PARD3B: variants seen among roughly 807,000 people sequenced by gnomAD.
PARD3B encodes par-3 family cell polarity regulator beta, also known as partitioning defective 3 homolog B.
A neutral mutation model predicts 130.2 loss-of-function variants in PARD3B; 103 were observed. The observed-to-expected ratio is 0.79, with a 90% CI of 0.67 to 0.93. The LOEUF is 0.93. Among genes scored for constraint, PARD3B ranks in the 40% least tolerant of loss-of-function variants. The pLI, the probability that PARD3B is intolerant of heterozygous loss-of-function variation, is 0.00. For synonymous variants in PARD3B, 583 were observed against 553.2 expected, an observed-to-expected ratio of 1.05 and a Z score of -0.76; for missense variants, 1,609 against 1,499.2, an observed-to-expected ratio of 1.07 and a Z score of -1.21.
At chr2:205,168,136 T>A (rs1203352324) in intron 11 of PARD3B, among the ~76,000 whole-genome samples, 1 of 152,216 alleles carries the variant, frequency 6.6e-6, no homozygotes, top group East Asian at 1.9e-4. Flanking sequence ...CTTTTTAATA[T>A]GTTTTCCTTC....
chr2:204,635,843 A>T (rs376156642), intron 1 of PARD3B, among the ~76,000 whole-genome samples: 138 of 152,294 alleles, frequency 9.1e-4, no homozygotes, highest in African/African-American at 2.9e-3. Flanking sequence ...AATAGAAATC[A>T]TTTCCCCATC....
chr2:205,559,596 CTTTT>C (rs11319522), intron 22 of PARD3B, among the ~76,000 whole-genome samples: 4 of 72,842 alleles, frequency 5.5e-5, no homozygotes, highest in African/African-American at 1.0e-4. Flanking sequence ...GAAGTCCAGA[CTTTT>C]TTTTTTTTTT....
intron 15 of PARD3B, among the ~76,000 whole-genome samples, chr2:205,225,074 G>A (rs1282133043): frequency 6.6e-6 from 1 of 152,126 alleles, no homozygotes; most frequent in African/African-American, 2.4e-5. Flanking sequence ...ACATGGGAGT[G>A]AAGATATCTC....
chr2:205,106,489 G>A (rs1575801223), intron 5 of PARD3B, among the ~76,000 whole-genome samples: 1 of 19,848 alleles, frequency 5.0e-5, no homozygotes, highest in Non-Finnish European at 9.0e-5. Flanking sequence ...GTATGTGTGT[G>A]TGTGTGTGTG....
chr2:205,093,008 A>G (rs1370033960), intron 4 of PARD3B, among the ~76,000 whole-genome samples: 2 of 152,206 alleles, frequency 1.3e-5, no homozygotes, highest in East Asian at 1.9e-4. Context: ...ATTTCAATCC[A>G]TAAATAAAGA....
intron 22 of PARD3B, among the ~76,000 whole-genome samples, chr2:205,574,042 A>G (rs1258272132): frequency 6.6e-6 from 1 of 152,236 alleles, no homozygotes; most frequent in Admixed American, 6.5e-5. Flanking sequence ...TCACCGCAGA[A>G]TAGCAAAAAT....
chr2:205,474,189 C>G (rs892872184), intron 20 of PARD3B, among the ~76,000 whole-genome samples: 14 of 151,872 alleles, frequency 9.2e-5, no homozygotes, highest in African/African-American at 3.4e-4. Context: ...TAAAGATATA[C>G]TTTTATTTTC....
At chr2:204,790,715 T>C (rs1286240834) in intron 2 of PARD3B, among the ~76,000 whole-genome samples, 3 of 152,224 alleles carry the variant, frequency 2.0e-5, no homozygotes, top group Non-Finnish European at 4.4e-5. Flanking sequence ...CTCTAGGTTG[T>C]TGTTTTTATT....
rs145228645 is a variant in PARD3B at position 205,053,220 on chromosome 2, C to T, written c.504+5530C>T. ...GTATTGCCCCTGTATTAAACTTCCTCAGACCCATGAAAGAAATCACCGAGA... is the reference window on the plus strand; with the variant it reads ...GTATTGCCCCTGTATTAAACTTCCTTAGACCCATGAAAGAAATCACCGAGA... On this transcript the variant is annotated intron_variant, in intron 4 of 22. Coordinates refer to ENST00000406610, the MANE Select transcript of PARD3B (RefSeq NM_001302769.2). Among the ~76,000 whole-genome samples, 272 of 152,046 alleles carry T rather than the reference C, an allele frequency of 1.8e-3. 1 individual carries two copies. Among genetic ancestry groups the T allele is most frequent in the African/African-American group, 6.2e-3 (256 of 41,466 alleles).
rs1238292774 is a variant in PARD3B at position 205,142,222 on chromosome 2, G to A, written c.1434+16485G>A. 6.6e-6 allele frequency among the ~76,000 whole-genome samples: 1 copy of A among 152,008 alleles called. No individual in the cohort carries two copies. Among genetic ancestry groups the A allele is most frequent in the Admixed American group, 6.6e-5 (1 of 15,260 alleles). ...AGTTTGCTAGTGGGTGGCAAAGCAG[G>A]GTAAAGAGAGAGCATAAGTTTTAGG... On this transcript the variant is annotated intron_variant, in intron 10 of 22. Coordinates refer to ENST00000406610, the MANE Select transcript of PARD3B (RefSeq NM_001302769.2). The surrounding 1 kb of genome is among the most constrained non-coding windows in gnomAD (Gnocchi z 4.3).
chr2:205,277,227 A>C lies in PARD3B; in HGVS notation c.2186-23303A>C, dbSNP rs569982190. On this transcript the variant is annotated intron_variant, in intron 16 of 22. Transcript: ENST00000406610. ...CTTAGCAAGGAAGACAGGTATATAC[A>C]CAAACAATGTACAGAATGGGGAGTG... Among the ~76,000 whole-genome samples, 4 of 152,360 alleles carry C rather than the reference A, an allele frequency of 2.6e-5. No individual in the cohort carries two copies. In the South Asian group the frequency reaches 8.3e-4, roughly 32 times the overall value.
chr2:205,614,429 T>G (rs1289509945), intron 22 of PARD3B, among the ~76,000 whole-genome samples: 1 of 152,070 alleles, frequency 6.6e-6, no homozygotes, highest in African/African-American at 2.4e-5. Flanking sequence ...GTGGGCTGGG[T>G]GCAGTGGCTC....
At chr2:205,497,685 G>A (rs912947399) in intron 20 of PARD3B, among the ~76,000 whole-genome samples, 1 of 151,974 alleles carries the variant, frequency 6.6e-6, no homozygotes, top group Non-Finnish European at 1.5e-5. Context: ...ACACAAGAGA[G>A]AAGATACAGC....
chr2:205,500,368 C>G lies in PARD3B; in HGVS notation c.3180+337C>G, dbSNP rs112968045. 7.8e-4 allele frequency among the ~76,000 whole-genome samples: 119 copies of G among 152,298 alleles called. 1 individual carries two copies. Among genetic ancestry groups the G allele is most frequent in the Middle Eastern group, 3.4e-3 (1 of 294 alleles). On this transcript the variant is annotated intron_variant, in intron 21 of 22. Coordinates refer to ENST00000406610, the MANE Select transcript of PARD3B (RefSeq NM_001302769.2). The stretch of plus-strand genomic sequence containing the variant: ...TTGATTCTTGCAACACAAGCCATCT[C>G]TCCTTTGGAAAATGGTGATTAGAAG...
At chr2:205,441,603 C>T (rs985188264) in intron 20 of PARD3B, among the ~76,000 whole-genome samples, 42 of 152,264 alleles carry the variant, frequency 2.8e-4, no homozygotes, top group African/African-American at 9.9e-4. Context: ...TGACAACCAC[C>T]CAGTCCCTAT....
chr2:204,986,032 T>C (rs1333456839), intron 3 of PARD3B, among the ~76,000 whole-genome samples: 17 of 124,612 alleles, frequency 1.4e-4, no homozygotes, highest in Non-Finnish European at 3.1e-5. Context: ...ATCCGGGAGG[T>C]GGAGCTTGCA....
chr2:204,867,167 G>A (rs892449360), intron 2 of PARD3B, among the ~76,000 whole-genome samples: 1 of 151,612 alleles, frequency 6.6e-6, no homozygotes, highest in African/African-American at 2.4e-5. Flanking sequence ...TTTTTTTCAG[G>A]AATACAAATG....
At position 204,736,413 on chromosome 2, in the gene PARD3B, C is replaced by T. The variant is rs189053675; in HGVS notation, c.222+50131C>T. ...ATTGCACCTAATGCGTAGTTTTTAT[C>T]GCTAGCCCCCCCTTTCATCCTCCTC... On this transcript the variant is annotated intron_variant, in intron 2 of 22. Transcript: ENST00000406610. Among the ~76,000 whole-genome samples, 59 of 152,038 alleles carry T rather than the reference C, an allele frequency of 3.9e-4. No homozygotes were observed. The East Asian group carries it at 0.011, about 28-fold the overall frequency.
intron 22 of PARD3B, among the ~76,000 whole-genome samples, chr2:205,556,600 A>T (rs1313554416): frequency 2.0e-5 from 3 of 152,180 alleles, no homozygotes; most frequent in Non-Finnish European, 4.4e-5. Context: ...AGCAATGTTA[A>T]ATCTCCTGCC....
Sources: allele counts gnomAD v4.1 joint callset (sites outside exome capture counted in the v4.1 genomes callset), GRCh38; gene constraint gnomAD v4.1.1; non-coding constraint Gnocchi (gnomAD v3.1); transcripts MANE v1.5; gene names NCBI Gene and HGNC (gene_info 2026-07-23, HGNC 2026-07-21).